TMEM38B: variants seen among roughly 807,000 people sequenced by gnomAD.
The protein encoded by TMEM38B is transmembrane protein 38B.
In TMEM38B, 24 loss-of-function variants were observed where a neutral mutation model predicts 28.7. That is an observed-to-expected ratio of 0.84 (90% CI 0.61 to 1.18). The LOEUF (loss-of-function observed/expected upper bound fraction) is 1.18. Ranked by LOEUF, TMEM38B falls within the 50% of genes most tolerant of loss-of-function variation. TMEM38B has a pLI of 0.00. For missense variants in TMEM38B, 380 were observed against 350.9 expected, an observed-to-expected ratio of 1.08 and a Z score of -0.66; for synonymous variants, 131 against 127.7, an observed-to-expected ratio of 1.03 and a Z score of -0.17.
intron 2 of TMEM38B, among the ~76,000 whole-genome samples, chr9:105,709,626 A>T (rs1005390624): frequency 3.9e-5 from 6 of 152,250 alleles, no homozygotes; most frequent in African/African-American, 7.2e-5. Flanking sequence ...TTTGCTGAAC[A>T]TACTGACTAG....
At chr9:105,753,919 C>T (rs756501512) in intron 5 of TMEM38B, among the ~76,000 whole-genome samples, 1 of 152,028 alleles carries the variant, frequency 6.6e-6, no homozygotes, top group African/African-American at 2.4e-5. Context: ...TTCAAGAAAC[C>T]CATATTCCAT....
intron 2 of TMEM38B, among the ~76,000 whole-genome samples, chr9:105,709,755 G>A (rs73518122): frequency 0.015 from 2,216 of 152,276 alleles, 36 homozygotes; most frequent in African/African-American, 0.042. Flanking sequence ...GTAAATAAAC[G>A]CAGATGCCAA....
chr9:105,754,149 A>G (rs770504246), intron 5 of TMEM38B, among the ~76,000 whole-genome samples: 3 of 151,994 alleles, frequency 2.0e-5, no homozygotes, highest in Non-Finnish European at 1.5e-5. Flanking sequence ...GCAAGTCCTT[A>G]GAGATCTACA....
At chr9:105,700,423 A>G (rs998184317) in intron 1 of TMEM38B, among the ~76,000 whole-genome samples, 36 of 152,218 alleles carry the variant, frequency 2.4e-4, no homozygotes, top group Non-Finnish European at 4.7e-4. Flanking sequence ...CTCATTTTAT[A>G]GATGAGGAAT....
At chr9:105,713,576 C>G (rs1588404152) in intron 2 of TMEM38B, among the ~76,000 whole-genome samples, 1 of 152,154 alleles carries the variant, frequency 6.6e-6, no homozygotes, top group Non-Finnish European at 1.5e-5. Flanking sequence ...CTGAGGGTGG[C>G]CAGGCGCTGG....
chr9:105,738,863 A>C (rs1044094721), intron 4 of TMEM38B, among the ~76,000 whole-genome samples: 2 of 151,776 alleles, frequency 1.3e-5, no homozygotes, highest in African/African-American at 2.4e-5. Flanking sequence ...GACTACAGGC[A>C]TATATTGCCA....
At chr9:105,723,371 G>A (rs867340133) in intron 4 of TMEM38B, among the ~76,000 whole-genome samples, 4 of 151,696 alleles carry the variant, frequency 2.6e-5, no homozygotes, top group Middle Eastern at 3.4e-3. Flanking sequence ...GGGACTACAG[G>A]TGTGTGCTAT....
chr9:105,752,638 A>G (rs1837695934), intron 5 of TMEM38B, among the ~76,000 whole-genome samples: 1 of 152,174 alleles, frequency 6.6e-6, no homozygotes, highest in Non-Finnish European at 1.5e-5. Flanking sequence ...AACATAAACA[A>G]AAAAGGCCCC....
rs746126399 is a variant in TMEM38B, at chr9:105,694,698, C to T, written c.38C>T (p.Ser13Phe). ...SPWDELALAF[S>F]RTSMFPFFDI... ...TGGGACGAGTTGGCTCTGGCCTTCT[C>T]CCGCACGTCCATGTTTCCCTTTTTT... The change falls in exon 1 of 6, where the codon TCC (serine) becomes TTC (phenylalanine). Residue 13 changes from serine (S) to phenylalanine (F), a missense_variant. By Grantham distance (155) the Ser-to-Phe change is radical. Transcript: ENST00000374692. 14 of 1,613,926 alleles carry T rather than the reference C, an allele frequency of 8.7e-6. No individual in the cohort carries two copies. In the East Asian group the frequency reaches 2.7e-4, roughly 31 times the overall value.
chr9:105,735,725 C>T (rs1836948158), intron 4 of TMEM38B, among the ~76,000 whole-genome samples: 3 of 152,092 alleles, frequency 2.0e-5, no homozygotes, highest in African/African-American at 4.8e-5. Flanking sequence ...CTCTCCTTGC[C>T]TTTTACTTTT....
intron 5 of TMEM38B, among the ~76,000 whole-genome samples, chr9:105,749,539 G>T (rs1197694694): frequency 2.0e-5 from 3 of 152,200 alleles, no homozygotes; most frequent in Non-Finnish European, 4.4e-5. Flanking sequence ...TGAGAGTGGA[G>T]ATATGAGTGA....
At chr9:105,758,824 TAATC>T in intron 5 of TMEM38B, 6 of 916,844 alleles carry the variant, frequency 6.5e-6, no homozygotes, top group Non-Finnish European at 1.1e-5. Flanking sequence ...AAGCATGAAA[TAATC>T]AATGAAGATC....
intron 2 of TMEM38B, among the ~76,000 whole-genome samples, chr9:105,708,200 TC>T (rs1289028173): frequency 1.3e-5 from 2 of 151,946 alleles, no homozygotes; most frequent in African/African-American, 4.8e-5. Flanking sequence ...CAGCTGCAGA[TC>T]AAAAATATTT....
Position 105,722,598 on chromosome 9 carries a change from T to C in TMEM38B, c.519T>C (p.Gly173=). 6.2e-7 allele frequency: 1 copy of C among 1,613,600 alleles called. No individual in the cohort carries two copies. The highest frequency in any genetic ancestry group is 1.1e-5 in the South Asian group (1 of 91,056). Residue 173 remains glycine (G), a synonymous_variant, in exon 4 of 6, where the codon GGT becomes GGC. Transcript: ENST00000374692. ...RLVKGDWKPE[G]DEWLKMSYPA... ...TAAAAGGAGATTGGAAACCAGAAGG[T>C]GATGAATGGCTGAAGATGTCATAGT...
At chr9:105,763,320 T>C (rs932546820) in intron 5 of TMEM38B, among the ~76,000 whole-genome samples, 1 of 152,222 alleles carries the variant, frequency 6.6e-6, no homozygotes, top group Non-Finnish European at 1.5e-5. Context: ...GTTTTAGACA[T>C]GAAGTCCTTG....
intron 5 of TMEM38B, among the ~76,000 whole-genome samples, chr9:105,754,609 T>C (rs936950346): frequency 6.6e-6 from 1 of 152,126 alleles, no homozygotes. Context: ...TACCAGAAAC[T>C]CTGGGATGCA....
intron 5 of TMEM38B, among the ~76,000 whole-genome samples, chr9:105,755,107 G>A (rs6477464): frequency 0.23 from 35,428 of 152,084 alleles, 6,795 homozygotes; most frequent in African/African-American, 0.51. Flanking sequence ...TGAATCTCCA[G>A]ATAGACCAGT....
intron 2 of TMEM38B, among the ~76,000 whole-genome samples, chr9:105,712,834 C>A (rs572168565): frequency 6.6e-6 from 1 of 152,226 alleles, no homozygotes; most frequent in Non-Finnish European, 1.5e-5. Context: ...CACCAGCCAC[C>A]CTTGGGGTCT....
intron 4 of TMEM38B, among the ~76,000 whole-genome samples, chr9:105,738,398 C>G (rs10978227): frequency 0.21 from 31,930 of 151,942 alleles, 5,220 homozygotes; most frequent in East Asian, 0.46. Context: ...TGGCCATACT[C>G]TGTTTTTGTG....
Sources: gnomAD v4.1 joint callset for allele counts (sites outside exome capture counted in the v4.1 genomes callset) on GRCh38, gnomAD v4.1.1 for gene constraint, MANE v1.5 for transcripts, NCBI Gene and HGNC (gene_info 2026-07-23, HGNC 2026-07-21) for gene names.